SLC38A11: variants seen among roughly 807,000 people sequenced by gnomAD.
SLC38A11 encodes the protein putative sodium-coupled neutral amino acid transporter 11.
Under a neutral mutation model 49.4 loss-of-function variants are expected in SLC38A11, and 51 were observed. That is an observed-to-expected ratio of 1.03 (90% CI 0.83 to 1.30). The LOEUF is 1.30. SLC38A11 is among the 50% of genes most tolerant of loss of function. The pLI, the probability that SLC38A11 is intolerant of heterozygous loss-of-function variation, is 0.00. For synonymous variants in SLC38A11, 203 were observed against 192.9 expected (o/e 1.05, Z -0.43); for missense variants, 574 against 556.2 (o/e 1.03, Z -0.32).
intron 2 of SLC38A11, 130 bp downstream of exon 2, chr2:164,954,501 T>C (rs1688721431): frequency 2.0e-6 from 1 of 494,584 alleles, no homozygotes; most frequent in Non-Finnish European, 3.6e-6. Flanking sequence ...AAGCCTTTTA[T>C]GGAAGAAAAT....
chr2:164,940,307 T>C (rs1478908356), intron 5 of SLC38A11, among the ~76,000 whole-genome samples: 2 of 149,610 alleles, frequency 1.3e-5, no homozygotes, highest in East Asian at 1.9e-4. Context: ...TAAACAGAAG[T>C]TTTAAACATG....
At position 164,908,694 on chromosome 2, in the gene SLC38A11, T is replaced by C. The variant is rs1685191323; in HGVS notation, c.1041A>G (p.Val347=). 1.2e-6 allele frequency: 2 copies of C among 1,609,890 alleles called. No individual in the cohort carries two copies. The highest frequency in any genetic ancestry group is 1.7e-6 in the Non-Finnish European group (2 of 1,177,814). ...CAATCAGCAATGACACAAGCGTGGCTACAGTGATGACCATCACTGTTACAA... is the reference window on the plus strand; with the variant it reads ...CAATCAGCAATGACACAAGCGTGGCCACAGTGATGACCATCACTGTTACAA... The part of the protein sequence containing the change: ...HIVVTVMVIT[V]ATLVSLLIDC... The change falls in exon 11 of 12, where the codon GTA becomes GTG. Residue 347 remains valine (V), a synonymous_variant. Coordinates refer to ENST00000685975, the MANE Select transcript of SLC38A11 (RefSeq NM_001351537.2).
At chr2:164,900,749 G>T (rs776770364) in intron 11 of SLC38A11, among the ~76,000 whole-genome samples, 3 of 151,824 alleles carry the variant, frequency 2.0e-5, no homozygotes, top group Non-Finnish European at 4.4e-5. Flanking sequence ...CAATCTGTAC[G>T]TTGTCTTTTC....
intron 3 of SLC38A11, among the ~76,000 whole-genome samples, chr2:164,952,236 C>A (rs913874436): frequency 6.6e-6 from 1 of 152,108 alleles, no homozygotes; most frequent in Non-Finnish European, 1.5e-5. Context: ...TAGCAGGCAG[C>A]GAGTTTGGGC....
At chr2:164,953,412 A>C (rs1289292271) in intron 2 of SLC38A11, 1 of 152,308 alleles carries the variant, frequency 6.6e-6, no homozygotes, top group Admixed American at 6.5e-5. Flanking sequence ...TTATTCTCTG[A>C]AAAGTTTTCC....
intron 7 of SLC38A11, among the ~76,000 whole-genome samples, chr2:164,929,209 G>C (rs1686812468): frequency 6.6e-6 from 1 of 152,064 alleles, no homozygotes; most frequent in Admixed American, 6.6e-5. Flanking sequence ...CCATTTGATT[G>C]AAATTCCCAT....
At chr2:164,913,026 T>G (rs1372154570) in intron 9 of SLC38A11, among the ~76,000 whole-genome samples, 1 of 152,056 alleles carries the variant, frequency 6.6e-6, no homozygotes. Context: ...GAAAATTAAA[T>G]TTTTTTAAGA....
At chr2:164,898,770 T>C (rs1275802428) in intron 11 of SLC38A11, 40 bp from the exon 12 acceptor site, 7 of 1,569,710 alleles carry the variant, frequency 4.5e-6, no homozygotes, top group Admixed American at 3.7e-5. Context: ...TGTCACTAGA[T>C]GGAAACATTC....
chr2:164,943,749 G>T (rs1485554459), intron 5 of SLC38A11, among the ~76,000 whole-genome samples: 1 of 152,136 alleles, frequency 6.6e-6, no homozygotes, highest in Non-Finnish European at 1.5e-5. Context: ...TGGAGTAGCT[G>T]GGACTACAGG....
rs746774133 is a variant in SLC38A11, at chr2:164,915,236, A to C, written c.726T>G (p.Ser242Arg). 2 of 1,609,898 alleles carry C rather than the reference A, an allele frequency of 1.2e-6. No homozygotes were observed. Among genetic ancestry groups the C allele is most frequent in the South Asian group, 1.1e-5 (1 of 90,224 alleles). The change falls in exon 9 of 12, where the codon AGT becomes AGG. Residue 242 changes from serine (S) to arginine (R), a missense_variant. Ser to Arg is a moderately radical substitution (Grantham distance 110). Transcript: ENST00000685975. ...TAGCTACTGTGGGTTCTTCTAGAGAACTGTAAACTAAGAAGGAGTTATGGT... is the reference window on the plus strand; with the variant it reads ...TAGCTACTGTGGGTTCTTCTAGAGACCTGTAAACTAAGAAGGAGTTATGGT... ...ICHHNSFLVY[S>R]SLEEPTVAKW...
At chr2:164,923,815 A>C (rs1289122995) in intron 7 of SLC38A11, among the ~76,000 whole-genome samples, 2 of 151,184 alleles carry the variant, frequency 1.3e-5, no homozygotes, top group Admixed American at 6.6e-5. Flanking sequence ...AAAAAAAAAA[A>C]CAAATGTTAG....
chr2:164,914,438 C>A (rs1275070974), intron 9 of SLC38A11, among the ~76,000 whole-genome samples: 1 of 151,936 alleles, frequency 6.6e-6, no homozygotes, highest in Non-Finnish European at 1.5e-5. Flanking sequence ...TTAAGGGAAA[C>A]ATGATGTTTT....
At chr2:164,921,472 C>CTATATAGGTAAATATAGCCAAGGTA in intron 7 of SLC38A11, among the ~76,000 whole-genome samples, 1 of 151,976 alleles carries the variant, frequency 6.6e-6, no homozygotes, top group East Asian at 1.9e-4. Context: ...TAGGTACATG[C>CTATATAGGTAAATATAGCCAAGGTA]CACCACACTT....
intron 5 of SLC38A11, among the ~76,000 whole-genome samples, chr2:164,939,972 G>T (rs1037025168): frequency 2.8e-5 from 4 of 144,074 alleles, no homozygotes; most frequent in African/African-American, 1.0e-4. Context: ...GTAAGCTATA[G>T]GAGGATGATG....
At chr2:164,915,806 G>C in intron 8 of SLC38A11, 97 bp downstream of exon 8, 1 of 875,432 alleles carries the variant, frequency 1.1e-6, no homozygotes, top group Non-Finnish European at 1.8e-6. Context: ...CTAAAACTTA[G>C]GACATCTGCT....
intron 5 of SLC38A11, among the ~76,000 whole-genome samples, chr2:164,941,279 T>C (rs1445715695): frequency 6.6e-6 from 1 of 152,160 alleles, no homozygotes; most frequent in African/African-American, 2.4e-5. Flanking sequence ...ATACCAACAT[T>C]TCTTGTTACT....
intron 7 of SLC38A11, among the ~76,000 whole-genome samples, chr2:164,936,398 T>C (rs1687375770): frequency 6.6e-6 from 1 of 152,154 alleles, no homozygotes; most frequent in African/African-American, 2.4e-5. Flanking sequence ...ATAAATTACC[T>C]TGGCCACTGC....
chr2:164,928,188 T>C (rs555951246), intron 7 of SLC38A11, among the ~76,000 whole-genome samples: 1 of 152,340 alleles, frequency 6.6e-6, no homozygotes, highest in African/African-American at 2.4e-5. Context: ...ATGTAGGCAA[T>C]CTTCCTGGTA....
chr2:164,921,496 A>AT lies in SLC38A11; in HGVS notation c.618-5524dup, dbSNP rs34326594. 9.6e-3 allele frequency among the ~76,000 whole-genome samples: 1,372 copies of AT among 142,970 alleles called. 15 individuals are homozygous for AT. The highest frequency in any genetic ancestry group is 0.026 in the African/African-American group (1,012 of 38,804). 93.8% of individuals were successfully genotyped at this position (142,970 alleles called of 152,430 possible). Reference sequence around the variant, plus strand: ...GCCACCACACTTGGCTATATTTTTAATTTTTTTTTTTTTTGTAGAGGTGGG... The same window carrying AT: ...GCCACCACACTTGGCTATATTTTTAATTTTTTTTTTTTTTTGTAGAGGTGGG... On this transcript the variant is annotated intron_variant, in intron 7 of 11. Coordinates refer to ENST00000685975, the MANE Select transcript of SLC38A11 (RefSeq NM_001351537.2).
Sources: allele counts gnomAD v4.1 joint callset (sites outside exome capture counted in the v4.1 genomes callset), GRCh38; gene constraint gnomAD v4.1.1; transcripts MANE v1.5; gene names NCBI Gene and HGNC (gene_info 2026-07-23, HGNC 2026-07-21).